The following VAV3 variants were observed in gnomAD, a reference collection of about 807,000 sequenced individuals.
VAV3 encodes vav guanine nucleotide exchange factor 3, also known as guanine nucleotide exchange factor VAV3.
Under a neutral mutation model 131.2 loss-of-function variants are expected in VAV3, and 94 were observed. The observed-to-expected ratio is 0.72, with a 90% CI of 0.61 to 0.85. The LOEUF is 0.85. VAV3 is among the 40% of genes least tolerant of loss of function. The pLI, the probability that VAV3 is intolerant of heterozygous loss-of-function variation, is 0.00. For missense variants in VAV3, 939 were observed against 1,002.7 expected (o/e 0.94, Z 0.86); for synonymous variants, 349 against 342.0 (o/e 1.02, Z -0.22).
At chr1:107,789,960 T>C (rs1241726047) in intron 2 of VAV3, among the ~76,000 whole-genome samples, 1 of 151,954 alleles carries the variant, frequency 6.6e-6, no homozygotes, top group African/African-American at 2.4e-5. Flanking sequence ...CCATACTGAG[T>C]GGTACAAGTC....
At chr1:107,833,517 C>G (rs1289088977) in intron 2 of VAV3, among the ~76,000 whole-genome samples, 1 of 151,410 alleles carries the variant, frequency 6.6e-6, no homozygotes, top group Non-Finnish European at 1.5e-5. Context: ...CTCTTCTATA[C>G]TTTTTCACTT....
chr1:107,896,097 C>A (rs1385567172), intron 1 of VAV3, among the ~76,000 whole-genome samples: 1 of 152,158 alleles, frequency 6.6e-6, no homozygotes, highest in African/African-American at 2.4e-5. Context: ...GATTCTAATT[C>A]CATCAGAACA....
intron 2 of VAV3, among the ~76,000 whole-genome samples, chr1:107,816,192 A>T (rs12128738): frequency 0.33 from 49,679 of 151,988 alleles, 8,210 homozygotes; most frequent in South Asian, 0.36. Flanking sequence ...TGTGATGTAT[A>T]AACAAAAGAT....
At chr1:107,798,575 C>T (rs1666665748) in intron 2 of VAV3, among the ~76,000 whole-genome samples, 1 of 151,764 alleles carries the variant, frequency 6.6e-6, no homozygotes, top group South Asian at 2.1e-4. Flanking sequence ...AAAAATTAGC[C>T]GGGCGTGGTG....
chr1:107,663,619 A>C (rs1239514359), intron 19 of VAV3, among the ~76,000 whole-genome samples: 1 of 152,258 alleles, frequency 6.6e-6, no homozygotes, highest in Non-Finnish European at 1.5e-5. Flanking sequence ...CAGAGCTTCA[A>C]AGAAAAAAAT....
At chr1:107,694,127 T>C (rs1659605188) in intron 17 of VAV3, among the ~76,000 whole-genome samples, 1 of 152,164 alleles carries the variant, frequency 6.6e-6, no homozygotes, top group Non-Finnish European at 1.5e-5. Flanking sequence ...TGGGGGTTTG[T>C]TAGTTACCAC....
At chr1:107,867,793 G>C (rs548392362) in intron 2 of VAV3, among the ~76,000 whole-genome samples, 1 of 152,154 alleles carries the variant, frequency 6.6e-6, no homozygotes, top group Non-Finnish European at 1.5e-5. Flanking sequence ...AGACCCTTGA[G>C]GGAGGAAAAA....
chr1:107,940,109 C>A (rs1673915437), intron 1 of VAV3, among the ~76,000 whole-genome samples: 1 of 152,174 alleles, frequency 6.6e-6, no homozygotes, highest in Non-Finnish European at 1.5e-5. Flanking sequence ...TTCTATATTA[C>A]CAGCTGGAGG....
chr1:107,704,423 T>C (rs957950927), intron 17 of VAV3, 127 bp downstream of exon 17: 3 of 658,098 alleles, frequency 4.6e-6, no homozygotes, highest in Non-Finnish European at 7.6e-6. Flanking sequence ...ATTGTGCTTA[T>C]AAATAATAGT....
chr1:107,743,256 C>G (rs1663129043), intron 15 of VAV3, among the ~76,000 whole-genome samples: 1 of 152,028 alleles, frequency 6.6e-6, no homozygotes, highest in African/African-American at 2.4e-5. Flanking sequence ...TGAAGAAGGA[C>G]TGGTTGGGAA....
chr1:107,704,813 G>C (rs1660343381), intron 16 of VAV3, 147 bp downstream of exon 16: 4 of 1,015,532 alleles, frequency 3.9e-6, no homozygotes, highest in Non-Finnish European at 5.8e-6. Context: ...TGTCCAGGCA[G>C]AAAGCCTGGC....
chr1:107,891,391 C>T (rs1478106049), intron 1 of VAV3, among the ~76,000 whole-genome samples: 1 of 152,084 alleles, frequency 6.6e-6, no homozygotes, highest in Admixed American at 6.5e-5. Flanking sequence ...ATTATATGCC[C>T]TGATCATGGC....
intron 19 of VAV3, among the ~76,000 whole-genome samples, chr1:107,645,321 ATTT>A (rs60249796): frequency 8.2e-4 from 122 of 148,246 alleles, no homozygotes; most frequent in Admixed American, 2.2e-3. Context: ...AATGGAATGT[ATTT>A]TTTTTTTTTT....
At chr1:107,819,094 C>T (rs1667682368) in intron 2 of VAV3, among the ~76,000 whole-genome samples, 1 of 152,066 alleles carries the variant, frequency 6.6e-6, no homozygotes, top group Non-Finnish European at 1.5e-5. Context: ...TTTTCTGAAC[C>T]TTTCATACAG....
chr1:107,909,684 A>G lies in VAV3; in HGVS notation c.205-34667T>C, dbSNP rs917044233. Among the ~76,000 whole-genome samples, 7 of 152,274 alleles carry G rather than the reference A, an allele frequency of 4.6e-5. No individual in the cohort carries two copies. In the East Asian group the frequency reaches 9.6e-4, roughly 21 times the overall value. On this transcript the variant is annotated intron_variant, in intron 1 of 26. Coordinates refer to ENST00000370056, the MANE Select transcript of VAV3 (RefSeq NM_006113.5). ...CAAATTACCAAGTCTATATAATTATAAACTCAGTTTTAACCTCTCAGGATT... is the reference window on the plus strand; with the variant it reads ...CAAATTACCAAGTCTATATAATTATGAACTCAGTTTTAACCTCTCAGGATT...
At chr1:107,879,145 C>G (rs78237463) in intron 1 of VAV3, among the ~76,000 whole-genome samples, 3 of 152,014 alleles carry the variant, frequency 2.0e-5, no homozygotes, top group African/African-American at 7.3e-5. Context: ...TCATTGCTTT[C>G]TTATATCAAG....
Position 107,697,280 on chromosome 1 carries a change from C to T in VAV3, c.1705+7270G>A, listed in dbSNP as rs554068810. Reference sequence around the variant, plus strand: ...TCTGAGAGTAAAAAAAGGAAGCCTCCTAGGCAGGTCCTTACCATTTCATAC... The same window carrying T: ...TCTGAGAGTAAAAAAAGGAAGCCTCTTAGGCAGGTCCTTACCATTTCATAC... On this transcript the variant is annotated intron_variant, in intron 17 of 26. Coordinates refer to ENST00000370056, the MANE Select transcript of VAV3 (RefSeq NM_006113.5). Among the ~76,000 whole-genome samples the T allele has an allele frequency of 3.9e-5, 6 of 152,278 alleles. No homozygotes were observed. The South Asian group carries it at 1.2e-3, about 32-fold the overall frequency.
chr1:107,767,686 C>T (rs777213541), intron 7 of VAV3, among the ~76,000 whole-genome samples: 1 of 152,170 alleles, frequency 6.6e-6, no homozygotes, highest in Non-Finnish European at 1.5e-5. Context: ...AGCTTATATA[C>T]ATTTATCAGT....
At chr1:107,635,602 C>G (rs1226920729) in intron 20 of VAV3, among the ~76,000 whole-genome samples, 2 of 152,066 alleles carry the variant, frequency 1.3e-5, no homozygotes, top group East Asian at 3.9e-4. Flanking sequence ...CACACGTACC[C>G]TAAAACTTAA....
Sources: allele counts gnomAD v4.1 joint callset (sites outside exome capture counted in the v4.1 genomes callset), GRCh38; gene constraint gnomAD v4.1.1; transcripts MANE v1.5; gene names NCBI Gene and HGNC (gene_info 2026-07-23, HGNC 2026-07-21).